RNF220: variants seen among roughly 807,000 people sequenced by gnomAD.
RNF220 encodes ring finger protein 220.
In RNF220, 7 loss-of-function variants were observed where a neutral mutation model predicts 67.1. That is an observed-to-expected ratio of 0.10 (90% CI 0.06 to 0.20). RNF220 has a LOEUF of 0.20. RNF220 is among the 10% of genes least tolerant of loss of function. RNF220 has a pLI of 1.00. For synonymous variants in RNF220, 270 were observed against 283.2 expected, an observed-to-expected ratio of 0.95 and a Z score of 0.47; for missense variants, 565 against 740.3, an observed-to-expected ratio of 0.76 and a Z score of 2.75.
At position 44,465,370 on chromosome 1, in the gene RNF220, T is replaced by C. The variant is rs534453650; in HGVS notation, c.625+52648T>C. Among the ~76,000 whole-genome samples the C allele has an allele frequency of 7.1e-4, 107 of 150,540 alleles. 2 individuals are homozygous for C. The highest frequency in any genetic ancestry group is 2.5e-3 in the African/African-American group (101 of 41,210). On this transcript the variant is annotated intron_variant, in intron 2 of 14. Transcript: ENST00000361799. ...ATAAAAAAATTTTAATGGCCATAAA[T>C]ATATTAAATATATTATATTAAATAT...
rs1648014074 is a variant in RNF220 at position 44,411,978 on chromosome 1, C to T, written c.-117-3C>T. On this transcript the variant is annotated splice_polypyrimidine_tract_variant and splice_region_variant and intron_variant, in intron 1 of 14. Coordinates refer to ENST00000361799, the MANE Select transcript of RNF220 (RefSeq NM_018150.4). ...TCTTTTTTTCTCTTTGCTGTTTCTA[C>T]AGGTCTTAGGAGGGAATGATTCCCC... 2 of 1,124,824 alleles carry T rather than the reference C, an allele frequency of 1.8e-6. No individual in the cohort carries two copies. Among genetic ancestry groups the T allele is most frequent in the East Asian group, 2.5e-5 (1 of 39,540 alleles). The allele number at this position is 1,124,824 out of a possible 1,614,324, so 69.7% of individuals were successfully genotyped here.
At chr1:44,580,428 T>C (rs1665185504) in intron 2 of RNF220, among the ~76,000 whole-genome samples, 1 of 152,134 alleles carries the variant, frequency 6.6e-6, no homozygotes, top group African/African-American at 2.4e-5. Flanking sequence ...CCAGGGGACA[T>C]TATTGTTGTT....
chr1:44,632,400 G>GCCCCCACCCCCCCC lies in RNF220; in HGVS notation c.949+19_949+20insCACCCCCCCCCCCC. Reference sequence around the variant, plus strand: ...CCGACTGAATGGTGAGTCCTGCCCGGCCCCTCCCTCCGCCCCACCCCCGGC... The same window carrying GCCCCCACCCCCCCC: ...CCGACTGAATGGTGAGTCCTGCCCGGCCCCCACCCCCCCCCCCCTCCCTCCGCCCCACCCCCGGC... On this transcript the variant is annotated intron_variant, in intron 6 of 14. Coordinates refer to ENST00000361799, the MANE Select transcript of RNF220 (RefSeq NM_018150.4). 6.2e-7 allele frequency: 1 copy of GCCCCCACCCCCCCC among 1,607,450 alleles called. No homozygotes were observed. Among genetic ancestry groups the GCCCCCACCCCCCCC allele is most frequent in the Non-Finnish European group, 8.5e-7 (1 of 1,177,492 alleles).
chr1:44,459,235 C>G (rs1237348645), intron 2 of RNF220, among the ~76,000 whole-genome samples: 4 of 151,770 alleles, frequency 2.6e-5, no homozygotes, highest in African/African-American at 9.7e-5. Context: ...TGGGGGTTCA[C>G]TTTGCTTTTT....
intron 2 of RNF220, among the ~76,000 whole-genome samples, chr1:44,484,485 G>A (rs1328999844): frequency 3.9e-5 from 6 of 152,056 alleles, no homozygotes; most frequent in Admixed American, 1.3e-4. Context: ...CAGTGAGTAC[G>A]AAGGCAACAG....
At chr1:44,444,887 G>A (rs1651925639) in intron 2 of RNF220, among the ~76,000 whole-genome samples, 1 of 152,210 alleles carries the variant, frequency 6.6e-6, no homozygotes, top group South Asian at 2.1e-4. Context: ...AGACCCAAGA[G>A]TAGAATTGCT....
At chr1:44,461,920 C>CTTTTTTTTTTTTTTTT (rs1445179984) in intron 2 of RNF220, among the ~76,000 whole-genome samples, 7 of 118,168 alleles carry the variant, frequency 5.9e-5, no homozygotes, top group African/African-American at 2.4e-4. Flanking sequence ...TTTCTTTTTT[C>CTTTTTTTTTTTTTTTT]TTTGTTTTTT....
chr1:44,481,464 C>T (rs892961331), intron 2 of RNF220, among the ~76,000 whole-genome samples: 27 of 152,118 alleles, frequency 1.8e-4, no homozygotes, highest in African/African-American at 6.0e-4. Flanking sequence ...CATGTTCTTA[C>T]TCATAACTGA....
chr1:44,588,777 G>A (rs960869815), intron 2 of RNF220, among the ~76,000 whole-genome samples: 5 of 152,162 alleles, frequency 3.3e-5, no homozygotes, highest in Non-Finnish European at 7.4e-5. Context: ...TGAGGAGGGT[G>A]GCAGGTGACC....
chr1:44,494,811 AG>A, intron 2 of RNF220, among the ~76,000 whole-genome samples: 1 of 152,346 alleles, frequency 6.6e-6, no homozygotes, highest in Middle Eastern at 3.4e-3. Context: ...TATCAAAAAA[AG>A]TAGATAGAAT....
intron 2 of RNF220, among the ~76,000 whole-genome samples, chr1:44,581,680 A>G (rs1290423702): frequency 1.3e-5 from 2 of 152,172 alleles, no homozygotes; most frequent in Non-Finnish European, 2.9e-5. Flanking sequence ...AAGAGGAGGC[A>G]AAGGACATGA....
At chr1:44,512,745 C>A (rs778714068) in intron 2 of RNF220, among the ~76,000 whole-genome samples, 1 of 152,174 alleles carries the variant, frequency 6.6e-6, no homozygotes, top group Non-Finnish European at 1.5e-5. Context: ...GGCAGCCTGG[C>A]CAAGCGGAGG....
intron 2 of RNF220, among the ~76,000 whole-genome samples, chr1:44,609,335 A>G (rs1667498922): frequency 6.6e-6 from 1 of 152,132 alleles, no homozygotes; most frequent in African/African-American, 2.4e-5. Context: ...TAGAGAAAAA[A>G]TAGAGATGGA....
intron 2 of RNF220, among the ~76,000 whole-genome samples, chr1:44,483,275 C>T (rs1408848279): frequency 2.0e-5 from 3 of 152,138 alleles, no homozygotes; most frequent in Non-Finnish European, 2.9e-5. Flanking sequence ...TGAGTTCCAT[C>T]CCTTTGCAGC....
At chr1:44,614,340 T>C (rs1380324651) in intron 3 of RNF220, 43 bp downstream of exon 3, 1 of 1,603,718 alleles carries the variant, frequency 6.2e-7, no homozygotes. Flanking sequence ...AGGAGTCCAC[T>C]CAGGGTTCTG....
At chr1:44,644,922 C>T in intron 9 of RNF220, 73 bp from the exon 10 acceptor site, 15 of 1,556,012 alleles carry the variant, frequency 9.6e-6, no homozygotes, top group Non-Finnish European at 1.3e-5. Context: ...CCAGGAGGGC[C>T]ATGCTCTCCT....
chr1:44,505,205 G>A (rs986314630), intron 2 of RNF220, among the ~76,000 whole-genome samples: 3 of 152,216 alleles, frequency 2.0e-5, no homozygotes, highest in East Asian at 1.9e-4. Context: ...TTCAGAGCAC[G>A]TGTTTGCTGC....
rs1379407548 is a variant in RNF220, at chr1:44,417,449, C to CTGGCT, written c.625+4738_625+4742dup. ...CCTGATGGCTGCAGAGCCATCTGGCCTGGCTTGGCTTGGCTCGGCGCGCCG... is the reference window on the plus strand; with the variant it reads ...CCTGATGGCTGCAGAGCCATCTGGCCTGGCTTGGCTTGGCTTGGCTCGGCGCGCCG... On this transcript the variant is annotated intron_variant, in intron 2 of 14. Transcript: ENST00000361799. The surrounding 1 kb of genome is among the most constrained non-coding windows in gnomAD (Gnocchi z 4.0). Among the ~76,000 whole-genome samples the CTGGCT allele has an allele frequency of 9.2e-5, 14 of 152,208 alleles. No individual in the cohort carries two copies. The highest frequency in any genetic ancestry group is 2.9e-4 in the African/African-American group (12 of 41,452).
intron 2 of RNF220, among the ~76,000 whole-genome samples, chr1:44,594,472 G>A (rs765353761): frequency 1.3e-5 from 2 of 152,190 alleles, no homozygotes; most frequent in Non-Finnish European, 2.9e-5. Context: ...GGCCTTGCAG[G>A]GAGAGTCTGG....
Sources: allele counts gnomAD v4.1 joint callset (sites outside exome capture counted in the v4.1 genomes callset), GRCh38; gene constraint gnomAD v4.1.1; non-coding constraint Gnocchi (gnomAD v3.1); transcripts MANE v1.5; gene names NCBI Gene and HGNC (gene_info 2026-07-23, HGNC 2026-07-21).